The following FAM193A variants were observed in gnomAD, a reference collection of about 807,000 sequenced individuals.
FAM193A encodes the protein protein FAM193A.
In FAM193A, 22 loss-of-function variants were observed where a neutral mutation model predicts 126.5. The ratio of observed to expected loss-of-function variants is 0.17; its 90% CI spans 0.12 to 0.25. FAM193A has a LOEUF of 0.25. FAM193A is among the 10% of genes least tolerant of loss of function. FAM193A has a pLI of 1.00. For synonymous variants in FAM193A, 761 were observed against 646.8 expected (o/e 1.18, Z -2.68); for missense variants, 1,675 against 1,672.8 (o/e 1.00, Z -0.02).
intron 20 of FAM193A, among the ~76,000 whole-genome samples, chr4:2,731,395 A>T (rs1443136007): frequency 6.6e-6 from 1 of 151,530 alleles, no homozygotes; most frequent in Non-Finnish European, 1.5e-5. Context: ...CATGTTGCCC[A>T]GGCTGGTCTC....
chr4:2,589,596 C>G lies in FAM193A; in HGVS notation c.256-6488C>G, dbSNP rs142797531. ...TTACAGAAATTATTTATCACAGAGC[C>G]TTAAATACTTAAGGTAATTTTGTGC... On this transcript the variant is annotated intron_variant, in intron 1 of 20. Transcript: ENST00000637812. 2.6e-5 allele frequency among the ~76,000 whole-genome samples: 4 copies of G among 152,198 alleles called. No homozygotes were observed. The East Asian group carries it at 7.7e-4, about 29-fold the overall frequency.
chr4:2,570,641 G>A (rs1318449052), intron 1 of FAM193A, among the ~76,000 whole-genome samples: 1 of 152,100 alleles, frequency 6.6e-6, no homozygotes, highest in Non-Finnish European at 1.5e-5. Flanking sequence ...AGTGACACAG[G>A]AAATAAGCCT....
intron 1 of FAM193A, among the ~76,000 whole-genome samples, chr4:2,553,877 TC>T (rs1183979568): frequency 1.3e-5 from 2 of 152,086 alleles, no homozygotes; most frequent in Admixed American, 1.3e-4. Context: ...AGTGGGAGTT[TC>T]CCTGGGCAAG....
At chr4:2,609,138 C>T (rs1390836796) in intron 2 of FAM193A, among the ~76,000 whole-genome samples, 2 of 151,676 alleles carry the variant, frequency 1.3e-5, no homozygotes, top group Admixed American at 6.6e-5. Context: ...GTGATCCACC[C>T]GCCTCGGCCT....
chr4:2,556,248 C>G, intron 1 of FAM193A, among the ~76,000 whole-genome samples: 1 of 151,684 alleles, frequency 6.6e-6, no homozygotes, highest in East Asian at 1.9e-4. Context: ...GCTCTGTTGC[C>G]AGGCTGGAGT....
At chr4:2,638,171 T>TG (rs1744272977) in intron 5 of FAM193A, among the ~76,000 whole-genome samples, 1 of 152,244 alleles carries the variant, frequency 6.6e-6, no homozygotes, top group African/African-American at 2.4e-5. Flanking sequence ...ATCCAGGTGC[T>TG]GCATTCACTC....
At chr4:2,698,537 C>A (rs975575865) in intron 18 of FAM193A, among the ~76,000 whole-genome samples, 2 of 152,286 alleles carry the variant, frequency 1.3e-5, no homozygotes, top group East Asian at 1.9e-4. Context: ...AAATTTTTAT[C>A]ATAATTTTTA....
chr4:2,729,647 C>T (rs1721157922), intron 20 of FAM193A, among the ~76,000 whole-genome samples: 1 of 152,190 alleles, frequency 6.6e-6, no homozygotes, highest in Non-Finnish European at 1.5e-5. Context: ...TACGGATTCG[C>T]CACCGGCAAC....
chr4:2,696,741 G>T, intron 18 of FAM193A, 148 bp downstream of exon 18: 1 of 624,586 alleles, frequency 1.6e-6, no homozygotes, highest in Non-Finnish European at 2.8e-6. Flanking sequence ...CTGAGAGCCA[G>T]CCTGTCTCTG....
Position 2,687,696 on chromosome 4 carries a change from G to A in FAM193A, c.2332-1810G>A, listed in dbSNP as rs371615689. Among the ~76,000 whole-genome samples, 108 of 152,172 alleles carry A rather than the reference G, an allele frequency of 7.1e-4. No homozygotes were observed. In the South Asian group the frequency reaches 9.1e-3, roughly 13 times the overall value. On this transcript the variant is annotated intron_variant, in intron 13 of 20. Transcript: ENST00000637812. ...TTCTCATCCCCTGACTAACCTACTC[G>A]TCCTCCTTCCGCCTTCTGGTTCATC...
At chr4:2,566,201 C>G (rs1244441778) in intron 1 of FAM193A, among the ~76,000 whole-genome samples, 1 of 152,104 alleles carries the variant, frequency 6.6e-6, no homozygotes, top group Non-Finnish European at 1.5e-5. Flanking sequence ...GCGCCCGCCA[C>G]CTCGCCCGGC....
chr4:2,541,710 C>G (rs998681090), intron 1 of FAM193A, among the ~76,000 whole-genome samples: 2 of 152,168 alleles, frequency 1.3e-5, no homozygotes, highest in African/African-American at 4.8e-5. Context: ...TCCCAAAGTG[C>G]TGGGATTACG....
intron 1 of FAM193A, among the ~76,000 whole-genome samples, chr4:2,593,264 G>A (rs895372158): frequency 1.3e-5 from 2 of 152,162 alleles, no homozygotes; most frequent in African/African-American, 4.8e-5. Flanking sequence ...GCAGATAGTC[G>A]TTTCTTCCCA....
At chr4:2,682,782 G>A (rs974878763) in intron 13 of FAM193A, among the ~76,000 whole-genome samples, 18 of 151,986 alleles carry the variant, frequency 1.2e-4, no homozygotes, top group African/African-American at 2.4e-4. Flanking sequence ...GATTACTCCC[G>A]ACCCTTCCCT....
At chr4:2,543,243 A>G (rs912681321) in intron 1 of FAM193A, among the ~76,000 whole-genome samples, 3 of 151,826 alleles carry the variant, frequency 2.0e-5, no homozygotes, top group Admixed American at 6.6e-5. Context: ...GTGTGCCACT[A>G]TGCCCAGCTT....
At chr4:2,673,789 C>G (rs1274224102) in intron 13 of FAM193A, among the ~76,000 whole-genome samples, 1 of 152,068 alleles carries the variant, frequency 6.6e-6, no homozygotes, top group African/African-American at 2.4e-5. Context: ...AGAATTAGTT[C>G]CGAAAAATAA....
chr4:2,580,524 A>G (rs1268519064), intron 1 of FAM193A, among the ~76,000 whole-genome samples: 1 of 151,952 alleles, frequency 6.6e-6, no homozygotes, highest in African/African-American at 2.4e-5. Context: ...TTTTGGAGCT[A>G]GGGTCTGCTG....
intron 6 of FAM193A, among the ~76,000 whole-genome samples, chr4:2,642,466 A>ACCCTTGC (rs1744733096): frequency 6.6e-6 from 1 of 151,994 alleles, no homozygotes; most frequent in Non-Finnish European, 1.5e-5. Flanking sequence ...CCTTACTCTG[A>ACCCTTGC]CCCTTGCAGA....
chr4:2,590,177 A>T (rs925707864), intron 1 of FAM193A, among the ~76,000 whole-genome samples: 17 of 150,480 alleles, frequency 1.1e-4, no homozygotes, highest in Admixed American at 6.6e-4. Flanking sequence ...CATATATAAA[A>T]ATGCAGAAAA....
Sources: gnomAD v4.1 joint callset for allele counts (sites outside exome capture counted in the v4.1 genomes callset) on GRCh38, gnomAD v4.1.1 for gene constraint, MANE v1.5 for transcripts, NCBI Gene and HGNC (gene_info 2026-07-23, HGNC 2026-07-21) for gene names.